PTPRD: variants seen among roughly 807,000 people sequenced by gnomAD.
The protein encoded by PTPRD is receptor-type tyrosine-protein phosphatase delta.
A neutral mutation model predicts 214.5 loss-of-function variants in PTPRD; 34 were observed. The observed-to-expected ratio is 0.16, with a 90% CI of 0.12 to 0.21. The LOEUF (loss-of-function observed/expected upper bound fraction) is 0.21. Ranked by LOEUF, PTPRD falls within the 10% of genes least tolerant of loss-of-function variation. The pLI is 1.00. For missense variants in PTPRD, 2,545 were observed against 2,398.7 expected, an observed-to-expected ratio of 1.06 and a Z score of -1.27; for synonymous variants, 1,128 against 845.7, an observed-to-expected ratio of 1.33 and a Z score of -5.79.
chr9:10,354,509 T>C (rs1174938605), intron 2 of PTPRD, among the ~76,000 whole-genome samples: 4 of 152,226 alleles, frequency 2.6e-5, no homozygotes, highest in Non-Finnish European at 5.9e-5. Flanking sequence ...ACAGTCACAT[T>C]TGATTCCTAC....
chr9:9,424,758 G>A (rs1466641967), intron 8 of PTPRD, among the ~76,000 whole-genome samples: 1 of 152,018 alleles, frequency 6.6e-6, no homozygotes, highest in Non-Finnish European at 1.5e-5. Context: ...ATTTAGGAAG[G>A]TCACTAGATA....
chr9:8,485,914 A>C lies in PTPRD; in HGVS notation c.2903T>G (p.Met968Arg), dbSNP rs1349601667. ...YRDINIPLLP[M>R]EQLIVPADTT... ...GTCAGCTGGAACAATAAGCTGCTCCATCGGGAGAAGGGGGATGTTGATATC... is the reference window on the plus strand; with the variant it reads ...GTCAGCTGGAACAATAAGCTGCTCCCTCGGGAGAAGGGGGATGTTGATATC... The change falls in exon 28 of 46, where the codon ATG becomes AGG. Residue 968 changes from methionine (M) to arginine (R), a missense_variant. By Grantham distance (91) the Met-to-Arg change is moderately conservative. Transcript: ENST00000381196. 2 of 1,614,198 alleles carry C rather than the reference A, an allele frequency of 1.2e-6. No homozygotes were observed. The highest frequency in any genetic ancestry group is 1.7e-5 in the Admixed American group (1 of 60,028).
intron 3 of PTPRD, among the ~76,000 whole-genome samples, chr9:10,192,064 C>G (rs996539843): frequency 3.3e-5 from 5 of 152,092 alleles, no homozygotes; most frequent in African/African-American, 1.2e-4. Flanking sequence ...AGAGTAGGAC[C>G]TTAGCCAAGG....
At chr9:8,549,318 G>A (rs1200598932) in intron 14 of PTPRD, among the ~76,000 whole-genome samples, 1 of 152,104 alleles carries the variant, frequency 6.6e-6, no homozygotes, top group African/African-American at 2.4e-5. Context: ...CGTGAATGAT[G>A]GTAGGTCAGC....
chr9:8,762,289 T>A (rs1458033307), intron 11 of PTPRD, among the ~76,000 whole-genome samples: 1 of 152,162 alleles, frequency 6.6e-6, no homozygotes, highest in African/African-American at 2.4e-5. Flanking sequence ...GGGAATTTGT[T>A]TGGTTTTGTT....
chr9:9,304,366 G>A (rs1956430856), intron 9 of PTPRD, among the ~76,000 whole-genome samples: 1 of 152,100 alleles, frequency 6.6e-6, no homozygotes, highest in African/African-American at 2.4e-5. Flanking sequence ...AAGACTTAAA[G>A]GAGGTGAAGA....
intron 7 of PTPRD, among the ~76,000 whole-genome samples, chr9:9,632,414 G>A (rs2095622781): frequency 6.6e-6 from 1 of 152,110 alleles, no homozygotes; most frequent in Non-Finnish European, 1.5e-5. Context: ...GGGGAGGAGA[G>A]AATGGAAAGT....
chr9:9,834,781 G>T (rs901151644), intron 5 of PTPRD, among the ~76,000 whole-genome samples: 163 of 152,052 alleles, frequency 1.1e-3, no homozygotes, highest in African/African-American at 3.8e-3. Context: ...GTCCATTTGG[G>T]TTAGTGAAGA....
At chr9:9,722,480 T>C (rs1156953456) in intron 7 of PTPRD, among the ~76,000 whole-genome samples, 2 of 152,096 alleles carry the variant, frequency 1.3e-5, no homozygotes, top group Non-Finnish European at 2.9e-5. Context: ...TTGATGGACA[T>C]TGTGATTGTT....
At chr9:9,129,806 T>C (rs568550230) in intron 10 of PTPRD, among the ~76,000 whole-genome samples, 1 of 152,274 alleles carries the variant, frequency 6.6e-6, no homozygotes, top group South Asian at 2.1e-4. Flanking sequence ...CCAGAAAATA[T>C]TTACCATGGA....
rs138627709 is a variant in PTPRD at position 8,314,635 on chromosome 9, A to G, written c.*3239T>C. 483 of 232,138 alleles carry G rather than the reference A, an allele frequency of 2.1e-3. 2 individuals are homozygous for G. The highest frequency in any genetic ancestry group is 9.6e-3 in the African/African-American group (437 of 45,376). 14.4% of individuals were successfully genotyped at this position (232,138 alleles called of 1,614,324 possible). A position where few individuals can be genotyped will look rare whatever the true frequency, so the allele number is the denominator to read the frequency against. On this transcript the variant is annotated 3_prime_UTR_variant, in exon 46 of 46. Coordinates refer to ENST00000381196, the MANE Select transcript of PTPRD (RefSeq NM_002839.4). ...TAAACCCAAAAGGAACCAAAACCCA[A>G]AAAGAAAAACAAAAAGGGAATTAAA...
intron 6 of PTPRD, among the ~76,000 whole-genome samples, chr9:9,750,558 G>A (rs2098506881): frequency 6.6e-6 from 1 of 152,114 alleles, no homozygotes; most frequent in Admixed American, 6.6e-5. Context: ...AGCAAAGGGT[G>A]AGCCCAACAG....
At chr9:8,873,743 G>A (rs899254166) in intron 11 of PTPRD, among the ~76,000 whole-genome samples, 2 of 152,086 alleles carry the variant, frequency 1.3e-5, no homozygotes, top group Non-Finnish European at 2.9e-5. Flanking sequence ...TGGGGGACTA[G>A]GTCTCGTTGG....
At chr9:9,601,644 T>G (rs544092600) in intron 7 of PTPRD, among the ~76,000 whole-genome samples, 1 of 152,208 alleles carries the variant, frequency 6.6e-6, no homozygotes, top group Admixed American at 6.6e-5. Context: ...ATACAAGATA[T>G]ATGCAGTCAT....
intron 2 of PTPRD, among the ~76,000 whole-genome samples, chr9:10,572,362 T>C (rs933809565): frequency 2.0e-5 from 3 of 152,288 alleles, no homozygotes; most frequent in Admixed American, 2.0e-4. Context: ...GAAACAACCA[T>C]TGTTTAAACA....
intron 2 of PTPRD, among the ~76,000 whole-genome samples, chr9:10,582,004 A>G (rs1212547216): frequency 6.6e-6 from 1 of 152,182 alleles, no homozygotes; most frequent in African/African-American, 2.4e-5. Flanking sequence ...TGAATTCTGA[A>G]GTTGGAAATT....
intron 11 of PTPRD, among the ~76,000 whole-genome samples, chr9:8,782,216 T>C (rs936349884): frequency 1.3e-4 from 20 of 152,042 alleles, no homozygotes; most frequent in African/African-American, 4.6e-4. Flanking sequence ...CATGTATATA[T>C]TGTGGAATGG....
intron 9 of PTPRD, among the ~76,000 whole-genome samples, chr9:9,291,439 A>G (rs1951100591): frequency 6.6e-6 from 1 of 151,464 alleles, no homozygotes; most frequent in Admixed American, 6.6e-5. Flanking sequence ...TTCCTTGAAT[A>G]ATTACTGCAA....
chr9:8,319,142 G>A (rs530867494), intron 45 of PTPRD, among the ~76,000 whole-genome samples: 23 of 152,090 alleles, frequency 1.5e-4, no homozygotes, highest in African/African-American at 2.9e-4. Flanking sequence ...TTTGAAATCC[G>A]TCTGAAAGAT....
Sources: allele counts gnomAD v4.1 joint callset (sites outside exome capture counted in the v4.1 genomes callset), GRCh38; gene constraint gnomAD v4.1.1; transcripts MANE v1.5; gene names NCBI Gene and HGNC (gene_info 2026-07-23, HGNC 2026-07-21).